Variants in NEK1 observed in about 807,000 individuals in gnomAD.
The protein encoded by NEK1 is serine/threonine-protein kinase Nek1.
NEK1 carries 137 observed loss-of-function variants against 182.1 expected under a neutral mutation model. The observed-to-expected ratio is 0.75, with a 90% CI of 0.65 to 0.87. The LOEUF is 0.87. Ranked by LOEUF, NEK1 falls within the 40% of genes least tolerant of loss-of-function variation. NEK1 has a pLI of 0.00. For synonymous variants in NEK1, 513 were observed against 492.2 expected, an observed-to-expected ratio of 1.04 and a Z score of -0.56; for missense variants, 1,391 against 1,494.4, an observed-to-expected ratio of 0.93 and a Z score of 1.14.
chr4:169,515,647 C>T (rs1217489457), intron 19 of NEK1, among the ~76,000 whole-genome samples: 7 of 106,344 alleles, frequency 6.6e-5, no homozygotes, highest in African/African-American at 2.5e-4. Context: ...TGCTATCCCT[C>T]CCCCCTCCCC....
intron 27 of NEK1, among the ~76,000 whole-genome samples, chr4:169,455,852 A>G (rs1280517885): frequency 6.6e-6 from 1 of 152,230 alleles, no homozygotes; most frequent in Non-Finnish European, 1.5e-5. Flanking sequence ...TCTGTATTGT[A>G]GACCAAATGG....
chr4:169,396,090 G>A (rs1278057717), intron 35 of NEK1, among the ~76,000 whole-genome samples: 2 of 152,050 alleles, frequency 1.3e-5, no homozygotes, highest in African/African-American at 4.8e-5. Flanking sequence ...TAATGGCCAG[G>A]CATAGTGGCT....
Position 169,562,227 on chromosome 4 carries a change from A to G in NEK1, c.1021-31T>C, listed in dbSNP as rs370912221. 1.2e-4 allele frequency: 176 copies of G among 1,458,060 alleles called. No individual in the cohort carries two copies. The African/African-American group carries it at 2.4e-3, about 20-fold the overall frequency. 90.3% of individuals were successfully genotyped at this position (1,458,060 alleles called of 1,614,324 possible). ...CAAAAAGTAAAACTACAAATTAAAT[A>G]AAGATTTTGAGGCACTTATTTGAAA... is the stretch of plus-strand genomic sequence containing the variant. On this transcript the variant is annotated intron_variant, in intron 12 of 35. Coordinates refer to ENST00000507142, the MANE Select transcript of NEK1 (RefSeq NM_001199397.3).
intron 31 of NEK1, among the ~76,000 whole-genome samples, chr4:169,421,399 A>G (rs1735469468): frequency 6.6e-6 from 1 of 152,180 alleles, no homozygotes; most frequent in Non-Finnish European, 1.5e-5. Flanking sequence ...AGAAATAGTT[A>G]TCTATACAAG....
At chr4:169,495,432 C>G (rs562813875) in intron 23 of NEK1, among the ~76,000 whole-genome samples, 2 of 151,822 alleles carry the variant, frequency 1.3e-5, no homozygotes, top group Non-Finnish European at 2.9e-5. Context: ...TTAGTAGAGA[C>G]GGGGTTTCAC....
intron 23 of NEK1, among the ~76,000 whole-genome samples, chr4:169,484,745 G>C (rs1748743895): frequency 6.6e-6 from 1 of 152,264 alleles, no homozygotes; most frequent in East Asian, 1.9e-4. Context: ...TAGGACAGTT[G>C]TACATTCAAA....
intron 19 of NEK1, among the ~76,000 whole-genome samples, chr4:169,523,561 G>A (rs1254626277): frequency 1.3e-5 from 2 of 152,174 alleles, no homozygotes; most frequent in African/African-American, 4.8e-5. Context: ...CCCCCAGAAG[G>A]ACACAACCCT....
chr4:169,591,153 C>A (rs527412871), intron 5 of NEK1, among the ~76,000 whole-genome samples: 14 of 147,564 alleles, frequency 9.5e-5, no homozygotes, highest in African/African-American at 3.5e-4. Flanking sequence ...CGCCCCCCCC[C>A]CACTTCTTTA....
Position 169,556,040 on chromosome 4 carries a change from C to T in NEK1, c.1322G>A (p.Gly441Glu). The change falls in exon 17 of 36, where the codon GGA becomes GAA. Residue 441 changes from glycine (G) to glutamate (E), a missense_variant. Gly to Glu is a moderately conservative substitution (Grantham distance 98). This residue lies in a region of NEK1 where 1,216 missense variants were observed against 1,277.6 expected (regional missense o/e 0.95). Coordinates refer to ENST00000507142, the MANE Select transcript of NEK1 (RefSeq NM_001199397.3). ...AATGGCATGGTAATGTTCATACTGT[C>T]CTCGAGAAGAAAAAGATGATGGAGC... Reference protein sequence around the residue: ...TIAPSSFSSRGQYEHYHAIFD... With the variant: ...TIAPSSFSSREQYEHYHAIFD... The T allele has an allele frequency of 6.2e-7, 1 of 1,613,624 alleles. No homozygotes were observed. Among genetic ancestry groups the T allele is most frequent in the Non-Finnish European group, 8.5e-7 (1 of 1,179,758 alleles).
At chr4:169,444,484 A>G (rs550174689) in intron 27 of NEK1, among the ~76,000 whole-genome samples, 41 of 151,164 alleles carry the variant, frequency 2.7e-4, no homozygotes, top group African/African-American at 9.6e-4. Context: ...CAGATAAGAC[A>G]TATTTTAACC....
At chr4:169,585,615 T>G (rs148553983) in intron 9 of NEK1, 66 bp from the exon 10 acceptor site, 25 of 990,972 alleles carry the variant, frequency 2.5e-5, no homozygotes, top group Middle Eastern at 2.4e-4. Flanking sequence ...ATATCGGTAA[T>G]GAGAAATAGT....
At chr4:169,548,052 T>A (rs566929861) in intron 18 of NEK1, among the ~76,000 whole-genome samples, 1 of 152,292 alleles carries the variant, frequency 6.6e-6, no homozygotes, top group South Asian at 2.1e-4. Context: ...AGAAGAGGTG[T>A]TCTGGTTTTT....
intron 18 of NEK1, among the ~76,000 whole-genome samples, chr4:169,542,844 T>C (rs1196134934): frequency 6.6e-6 from 1 of 151,664 alleles, no homozygotes; most frequent in Non-Finnish European, 1.5e-5. Context: ...ATTGATGGGG[T>C]TTTTTCTTGT....
At position 169,582,260 on chromosome 4, in the gene NEK1, G is replaced by T. The variant is rs557644447; in HGVS notation, c.808-1358C>A. Among the ~76,000 whole-genome samples the T allele has an allele frequency of 1.8e-3, 269 of 151,914 alleles. 1 individual carries two copies. Among genetic ancestry groups the T allele is most frequent in the Middle Eastern group, 3.4e-3 (1 of 294 alleles). On this transcript the variant is annotated intron_variant, in intron 10 of 35. Transcript: ENST00000507142. ...CAAAAAAAAATACATGATCTGAGGG[G>T]GTTGTTTTTCCCATTAAGAAAATCC...
At chr4:169,549,282 C>A (rs553677425) in intron 18 of NEK1, among the ~76,000 whole-genome samples, 2 of 152,294 alleles carry the variant, frequency 1.3e-5, no homozygotes, top group African/African-American at 2.4e-5. Context: ...CCTCCTTGGG[C>A]TGTACACACT....
chr4:169,481,222 T>C (rs905831440), intron 23 of NEK1, among the ~76,000 whole-genome samples: 2 of 152,196 alleles, frequency 1.3e-5, no homozygotes, highest in Non-Finnish European at 2.9e-5. Context: ...CACTGAAATC[T>C]TGAAGAATGG....
At chr4:169,605,449 T>G (rs1472983070) in intron 2 of NEK1, among the ~76,000 whole-genome samples, 1 of 152,200 alleles carries the variant, frequency 6.6e-6, no homozygotes, top group African/African-American at 2.4e-5. Flanking sequence ...TTTTGTAATG[T>G]CAGTGTACAA....
intron 27 of NEK1, among the ~76,000 whole-genome samples, chr4:169,462,190 C>G (rs1379670741): frequency 6.6e-6 from 1 of 151,790 alleles, no homozygotes; most frequent in Non-Finnish European, 1.5e-5. Context: ...GAGAGTTTTG[C>G]ACTGCAGAGT....
At position 169,401,742 on chromosome 4, in the gene NEK1, C is replaced by A; in HGVS notation, c.3493G>T (p.Asp1165Tyr). 1 of 1,613,964 alleles carries A rather than the reference C, an allele frequency of 6.2e-7. No individual in the cohort carries two copies. Among genetic ancestry groups the A allele is most frequent in the African/African-American group, 1.3e-5 (1 of 75,064 alleles). ...EEEESVLKNS[D>Y]VEPTANGTDV... ...GTCCCATTTGCAGTTGGCTCCACATCACTGTTCTTCAAGACTGACTCTTCT... is the reference window on the plus strand; with the variant it reads ...GTCCCATTTGCAGTTGGCTCCACATAACTGTTCTTCAAGACTGACTCTTCT... Residue 1165 changes from aspartate (D) to tyrosine (Y), a missense_variant, in exon 33 of 36, where the codon GAT (aspartate) becomes TAT (tyrosine). Asp to Tyr is a radical substitution (Grantham distance 160). This residue lies in a region of NEK1 where 1,216 missense variants were observed against 1,277.6 expected (regional missense o/e 0.95). Transcript: ENST00000507142.
Sources: gnomAD v4.1 joint callset for allele counts (sites outside exome capture counted in the v4.1 genomes callset) on GRCh38, gnomAD v4.1.1 for gene constraint, gnomAD v4.1.1 regional missense constraint, MANE v1.5 for transcripts, NCBI Gene and HGNC (gene_info 2026-07-23, HGNC 2026-07-21) for gene names.